SIK2: variants seen among roughly 807,000 people sequenced by gnomAD.
The protein encoded by SIK2 is serine/threonine-protein kinase SIK2.
Under a neutral mutation model 103.2 loss-of-function variants are expected in SIK2, and 29 were observed. That is an observed-to-expected ratio of 0.28 (90% CI 0.21 to 0.38). The LOEUF is 0.38. Ranked by LOEUF, SIK2 falls within the 10% of genes least tolerant of loss-of-function variation. The pLI, the probability that SIK2 is intolerant of heterozygous loss-of-function variation, is 1.00. For missense variants in SIK2, 879 were observed against 1,171.0 expected (o/e 0.75, Z 3.64); for synonymous variants, 412 against 446.1 (o/e 0.92, Z 0.96).
intron 3 of SIK2, among the ~76,000 whole-genome samples, chr11:111,636,080 CTTTG>C (rs1942104582): frequency 6.6e-6 from 1 of 152,128 alleles, no homozygotes; most frequent in African/African-American, 2.4e-5. Context: ...AAAGCTAATT[CTTTG>C]TTTGTGAAAG....
chr11:111,620,198 G>C (rs2135839819), intron 2 of SIK2, 141 bp from the exon 3 acceptor site: 1 of 645,034 alleles, frequency 1.6e-6, no homozygotes, highest in Non-Finnish European at 2.7e-6. Flanking sequence ...GATATTGTCA[G>C]GCTTATGAAC....
At chr11:111,604,336 T>C (rs1320998697) in intron 1 of SIK2, among the ~76,000 whole-genome samples, 5 of 152,250 alleles carry the variant, frequency 3.3e-5, no homozygotes, top group African/African-American at 1.2e-4. Flanking sequence ...TTGTGAGTTA[T>C]AGAGAGGTTC....
chr11:111,677,165 G>C lies in SIK2; in HGVS notation c.317-10836G>C, dbSNP rs540316617. On this transcript the variant is annotated intron_variant, in intron 3 of 14. Coordinates refer to ENST00000304987, the MANE Select transcript of SIK2 (RefSeq NM_015191.3). ...TCATCATAACCTGGTAGTATTAAAT[G>C]TGACTCTGGCACTTTCCCAGGCTAT... Among the ~76,000 whole-genome samples the C allele has an allele frequency of 3.3e-5, 5 of 152,310 alleles. No homozygotes were observed. In the South Asian group the frequency reaches 1.0e-3, roughly 32 times the overall value.
rs921573363 is a variant in SIK2 at position 111,722,754 on chromosome 11, T to C, written c.2145T>C (p.His715=). Residue 715 remains histidine (H), a splice_region_variant and synonymous_variant, in exon 14 of 15, where the codon CAT becomes CAC. Transcript: ENST00000304987. This position sits in a 1 kb window ranked among gnomAD's most constrained non-coding sequence, Gnocchi z 4.4. ...GCCTTGAGCAGCAGCTGCAGGAACA[T>C]AGGTGAGAAGGGGACTTTGGCCAAA... ...PRSLEQQLQE[H]RLQQKRLFLQ... 9.9e-6 allele frequency: 16 copies of C among 1,613,692 alleles called. No homozygotes were observed. Among genetic ancestry groups the C allele is most frequent in the African/African-American group, 1.3e-5 (1 of 74,926 alleles).
chr11:111,624,578 A>G (rs1159870342), intron 3 of SIK2, among the ~76,000 whole-genome samples: 1 of 152,192 alleles, frequency 6.6e-6, no homozygotes, highest in Non-Finnish European at 1.5e-5. Flanking sequence ...GTCTTTCAAG[A>G]AATCCTTATT....
chr11:111,624,670 C>T (rs962958593), intron 3 of SIK2, among the ~76,000 whole-genome samples: 12 of 152,204 alleles, frequency 7.9e-5, no homozygotes, highest in African/African-American at 2.7e-4. Flanking sequence ...TACTCTTTTA[C>T]ATTCTAGTTT....
chr11:111,681,117 T>G (rs1262614270), intron 3 of SIK2, among the ~76,000 whole-genome samples: 2 of 152,234 alleles, frequency 1.3e-5, no homozygotes, highest in Non-Finnish European at 2.9e-5. Context: ...ATGTCAAATA[T>G]CATTGGCAAA....
intron 3 of SIK2, among the ~76,000 whole-genome samples, chr11:111,659,159 T>C (rs1157387250): frequency 6.6e-6 from 1 of 152,264 alleles, no homozygotes; most frequent in Admixed American, 6.5e-5. Flanking sequence ...TAAGTTTTAC[T>C]ATCATTGGAG....
chr11:111,703,250 C>T lies in SIK2; in HGVS notation c.775C>T (p.Arg259Trp), dbSNP rs1943258988. Reference protein sequence around the residue: ...RRMLVLDPSKRLTIAQIKEHK... With the variant: ...RRMLVLDPSKWLTIAQIKEHK... ...GATGTTGGTCCTAGACCCATCCAAA[C>T]GGCTAACCATAGCCCAAATCAAGGA... The change falls in exon 7 of 15, where the codon CGG becomes TGG. Residue 259 changes from arginine to tryptophan, a missense_variant. Coordinates refer to ENST00000304987, the MANE Select transcript of SIK2 (RefSeq NM_015191.3). 1 of 1,614,176 alleles carries T rather than the reference C, an allele frequency of 6.2e-7. No homozygotes were observed. The highest frequency in any genetic ancestry group is 8.5e-7 in the Non-Finnish European group (1 of 1,180,030).
intron 9 of SIK2, among the ~76,000 whole-genome samples, chr11:111,718,039 C>T (rs1943696622): frequency 2.0e-5 from 3 of 152,014 alleles, no homozygotes; most frequent in Admixed American, 2.0e-4. Flanking sequence ...TGTAACAAAC[C>T]TGCACATCCT....
chr11:111,656,176 C>T (rs988545735), intron 3 of SIK2, among the ~76,000 whole-genome samples: 2 of 152,012 alleles, frequency 1.3e-5, no homozygotes, highest in African/African-American at 4.8e-5. Context: ...GGTGACTGAG[C>T]GATACTGTAT....
intron 7 of SIK2, 27 bp downstream of exon 7, chr11:111,703,450 C>T: frequency 1.2e-6 from 2 of 1,600,678 alleles, no homozygotes; most frequent in Non-Finnish European, 1.7e-6. Context: ...TTTCGGGGTT[C>T]TACTGCACTT....
At chr11:111,668,945 A>G (rs947346912) in intron 3 of SIK2, among the ~76,000 whole-genome samples, 2 of 152,190 alleles carry the variant, frequency 1.3e-5, no homozygotes, top group Non-Finnish European at 2.9e-5. Flanking sequence ...GATTAGCTCT[A>G]AGATTAGAGT....
chr11:111,699,211 C>A (rs1202013206), intron 4 of SIK2, among the ~76,000 whole-genome samples: 1 of 152,118 alleles, frequency 6.6e-6, no homozygotes, highest in African/African-American at 2.4e-5. Context: ...CTCCTGGATA[C>A]CAAAGGCAGA....
chr11:111,608,061 G>A (rs905779304), intron 1 of SIK2, among the ~76,000 whole-genome samples: 3 of 152,100 alleles, frequency 2.0e-5, no homozygotes, highest in South Asian at 2.1e-4. Flanking sequence ...TTAGGATATC[G>A]TTCTTTCCGC....
intron 3 of SIK2, among the ~76,000 whole-genome samples, chr11:111,658,741 A>C (rs1478195005): frequency 6.7e-6 from 1 of 148,188 alleles, no homozygotes. Context: ...GCCTTGTCAC[A>C]AAAAAAAAAG....
chr11:111,649,330 T>G (rs1183890147), intron 3 of SIK2, among the ~76,000 whole-genome samples: 1 of 152,162 alleles, frequency 6.6e-6, no homozygotes. Context: ...TTACTGTAAA[T>G]ACATGATAAA....
At chr11:111,606,562 G>A (rs1348243917) in intron 1 of SIK2, among the ~76,000 whole-genome samples, 1 of 152,026 alleles carries the variant, frequency 6.6e-6, no homozygotes, top group East Asian at 1.9e-4. Flanking sequence ...CTACCTTGTG[G>A]ATGAATATCG....
rs1943307291 is a variant in SIK2, at chr11:111,704,951, C to CGT, written c.949-36_949-35insGT. 5 of 1,565,898 alleles carry CGT rather than the reference C, an allele frequency of 3.2e-6. No individual in the cohort carries two copies. The African/African-American group carries it at 5.6e-5, about 18-fold the overall frequency. On this transcript the variant is annotated intron_variant, in intron 7 of 14. Coordinates refer to ENST00000304987, the MANE Select transcript of SIK2 (RefSeq NM_015191.3). ...GTGTAGATCATTGCATTGGTCTTTACAGTTCTTTGCCTTTACCACTTGTTT... is the reference window on the plus strand; with the variant it reads ...GTGTAGATCATTGCATTGGTCTTTACGTAGTTCTTTGCCTTTACCACTTGTTT...
Sources: allele counts gnomAD v4.1 joint callset (sites outside exome capture counted in the v4.1 genomes callset), GRCh38; gene constraint gnomAD v4.1.1; non-coding constraint Gnocchi (gnomAD v3.1); transcripts MANE v1.5; gene names NCBI Gene and HGNC (gene_info 2026-07-23, HGNC 2026-07-21).